Variants in PLEKHA7 observed in about 807,000 individuals in gnomAD.
PLEKHA7 encodes the protein pleckstrin homology domain-containing family A member 7.
In PLEKHA7, 104 loss-of-function variants were observed where a neutral mutation model predicts 170.0. The observed-to-expected ratio is 0.61, with a 90% CI of 0.52 to 0.72. The LOEUF (loss-of-function observed/expected upper bound fraction) is 0.72. PLEKHA7 is among the 30% of genes least tolerant of loss of function. PLEKHA7 has a pLI of 0.00. For synonymous variants in PLEKHA7, 648 were observed against 660.8 expected, an observed-to-expected ratio of 0.98 and a Z score of 0.30; for missense variants, 1,615 against 1,671.7, an observed-to-expected ratio of 0.97 and a Z score of 0.59.
intron 3 of PLEKHA7, among the ~76,000 whole-genome samples, chr11:16,969,341 T>G (rs1862570547): frequency 6.6e-6 from 1 of 152,148 alleles, no homozygotes; most frequent in African/African-American, 2.4e-5. Context: ...GACCTAAATT[T>G]GAGACCAGCA....
chr11:16,869,518 G>A (rs567436252), intron 4 of PLEKHA7, among the ~76,000 whole-genome samples: 6 of 152,284 alleles, frequency 3.9e-5, no homozygotes, highest in African/African-American at 9.6e-5. Flanking sequence ...TAATGCCTCC[G>A]GCACAGAGCA....
intron 17 of PLEKHA7, among the ~76,000 whole-genome samples, chr11:16,797,919 A>G (rs757097716): frequency 2.6e-5 from 4 of 152,144 alleles, no homozygotes; most frequent in Non-Finnish European, 5.9e-5. Flanking sequence ...AAAAGGCTGG[A>G]GAGTCCCTAT....
intron 3 of PLEKHA7, among the ~76,000 whole-genome samples, chr11:16,936,790 G>A (rs1333968180): frequency 3.3e-5 from 5 of 152,212 alleles, no homozygotes; most frequent in Admixed American, 2.0e-4. Context: ...AAACTCAGGC[G>A]ATATTGGAAT....
At chr11:16,906,904 C>T (rs1317059796) in intron 3 of PLEKHA7, among the ~76,000 whole-genome samples, 1 of 143,276 alleles carries the variant, frequency 7.0e-6, no homozygotes, top group African/African-American at 2.8e-5. Flanking sequence ...CGCCGCCCAT[C>T]GTCTGAGATG....
At chr11:16,922,064 T>A (rs921575098) in intron 3 of PLEKHA7, among the ~76,000 whole-genome samples, 1 of 152,182 alleles carries the variant, frequency 6.6e-6, no homozygotes, top group East Asian at 1.9e-4. Context: ...TCTTTGAATA[T>A]CTGGAGGCTG....
intron 3 of PLEKHA7, among the ~76,000 whole-genome samples, chr11:17,012,285 CT>C (rs1865363621): frequency 1.4e-5 from 2 of 142,474 alleles, no homozygotes; most frequent in African/African-American, 6.2e-5. Flanking sequence ...CGGCATTTAC[CT>C]TTCTCCTACC....
chr11:16,935,625 G>C (rs1470172786), intron 3 of PLEKHA7, among the ~76,000 whole-genome samples: 1 of 152,194 alleles, frequency 6.6e-6, no homozygotes, highest in Non-Finnish European at 1.5e-5. Flanking sequence ...AATCCTTACT[G>C]AGACTAGGGG....
intron 26 of PLEKHA7, chr11:16,781,148 C>T (rs1457040876): frequency 3.5e-5 from 13 of 369,192 alleles, no homozygotes; most frequent in Non-Finnish European, 4.1e-5. Context: ...GTGGCATGGG[C>T]CCTGCTGCCC....
chr11:16,888,314 T>C (rs1213774955), intron 3 of PLEKHA7, among the ~76,000 whole-genome samples: 3 of 151,118 alleles, frequency 2.0e-5, no homozygotes, highest in East Asian at 1.9e-4. Context: ...GGAGACCCTC[T>C]GCCCGGCCGG....
At chr11:17,011,155 C>G (rs1437346046) in intron 3 of PLEKHA7, among the ~76,000 whole-genome samples, 1 of 152,168 alleles carries the variant, frequency 6.6e-6, no homozygotes, top group Admixed American at 6.5e-5. Context: ...CACACGCGGC[C>G]TCACACACCC....
intron 9 of PLEKHA7, among the ~76,000 whole-genome samples, chr11:16,835,785 A>G (rs1851465687): frequency 6.6e-6 from 1 of 152,220 alleles, no homozygotes; most frequent in East Asian, 1.9e-4. Flanking sequence ...CACTGGGAGG[A>G]GATACCTAAG....
intron 3 of PLEKHA7, among the ~76,000 whole-genome samples, chr11:16,949,887 A>T (rs904151879): frequency 6.6e-6 from 1 of 152,064 alleles, no homozygotes; most frequent in African/African-American, 2.4e-5. Context: ...AGACCAGAAC[A>T]TCAAGCCAAG....
chr11:16,831,997 G>T lies in PLEKHA7; in HGVS notation c.873-5407C>A, dbSNP rs78240744. 4.3e-3 allele frequency among the ~76,000 whole-genome samples: 649 copies of T among 152,354 alleles called. 1 individual carries two copies. Among genetic ancestry groups the T allele is most frequent in the African/African-American group, 0.014 (578 of 41,590 alleles). On this transcript the variant is annotated intron_variant, in intron 9 of 26. Coordinates refer to ENST00000531066, the MANE Select transcript of PLEKHA7 (RefSeq NM_001329630.2). Reference sequence around the variant, plus strand: ...CATAGCTTTGGCCAATAAGATATAAGCATAAATTGCTAGGCGGAGTCCTCC... The same window carrying T: ...CATAGCTTTGGCCAATAAGATATAATCATAAATTGCTAGGCGGAGTCCTCC...
chr11:16,950,217 G>A (rs1861316911), intron 3 of PLEKHA7, among the ~76,000 whole-genome samples: 1 of 152,156 alleles, frequency 6.6e-6, no homozygotes, highest in South Asian at 2.1e-4. Context: ...CCTAGAATCT[G>A]TGAGGCAAGA....
chr11:16,950,069 A>G (rs1015078176), intron 3 of PLEKHA7, among the ~76,000 whole-genome samples: 2 of 120,070 alleles, frequency 1.7e-5, no homozygotes, highest in Non-Finnish European at 3.4e-5. Context: ...AAGGCAGAGT[A>G]AAGTGTGTGT....
chr11:16,907,014 G>GC (rs1219758590), intron 3 of PLEKHA7, among the ~76,000 whole-genome samples: 4 of 146,260 alleles, frequency 2.7e-5, no homozygotes, highest in Admixed American at 1.4e-4. Context: ...CCTGGCAACC[G>GC]CCCCGTCTGA....
rs183039711 is a variant in PLEKHA7, at chr11:16,916,674, A to C, written c.222-45492T>G. Reference sequence around the variant, plus strand: ...GCAAGGCCCAAAAGGCTTAAGTCTGAAAACAGCCACAGAGACTGCACCAAT... The same window carrying C: ...GCAAGGCCCAAAAGGCTTAAGTCTGCAAACAGCCACAGAGACTGCACCAAT... On this transcript the variant is annotated intron_variant, in intron 3 of 26. Transcript: ENST00000531066. 2.2e-3 allele frequency among the ~76,000 whole-genome samples: 340 copies of C among 152,332 alleles called. 1 individual carries two copies. Among genetic ancestry groups the C allele is most frequent in the Admixed American group, 0.015 (224 of 15,308 alleles).
intron 3 of PLEKHA7, among the ~76,000 whole-genome samples, chr11:16,900,505 T>C (rs186249630): frequency 1.2e-4 from 18 of 152,332 alleles, no homozygotes; most frequent in Admixed American, 1.2e-3. Context: ...ACCTACAGCA[T>C]AGACACCCCA....
chr11:16,966,290 A>ATGTG (rs112176840), intron 3 of PLEKHA7, among the ~76,000 whole-genome samples: 291 of 149,104 alleles, frequency 2.0e-3, no homozygotes, highest in African/African-American at 4.0e-3. Context: ...TTGTGCATGT[A>ATGTG]TGTGTGTGTG....
Sources: gnomAD v4.1 joint callset for allele counts (sites outside exome capture counted in the v4.1 genomes callset) on GRCh38, gnomAD v4.1.1 for gene constraint, MANE v1.5 for transcripts, NCBI Gene and HGNC (gene_info 2026-07-23, HGNC 2026-07-21) for gene names.